Variants in PDLIM4 observed in about 807,000 individuals in gnomAD.
PDLIM4 encodes PDZ and LIM domain 4, also known as PDZ and LIM domain protein 4.
A neutral mutation model predicts 31.3 loss-of-function variants in PDLIM4; 19 were observed. That is an observed-to-expected ratio of 0.61 (90% CI 0.42 to 0.89). PDLIM4 has a LOEUF of 0.89. PDLIM4 is among the 40% of genes least tolerant of loss of function. The pLI, the probability that PDLIM4 is intolerant of heterozygous loss-of-function variation, is 0.00. For synonymous variants in PDLIM4, 176 were observed against 190.1 expected, an observed-to-expected ratio of 0.93 and a Z score of 0.61; for missense variants, 442 against 461.1, an observed-to-expected ratio of 0.96 and a Z score of 0.38.
At chr5:132,261,902 A>AG (rs1756384018) in intron 1 of PDLIM4, among the ~76,000 whole-genome samples, 1 of 152,182 alleles carries the variant, frequency 6.6e-6, no homozygotes, top group East Asian at 1.9e-4. Context: ...TGAACAGTGT[A>AG]GGGGGAAAAG....
intron 2 of PDLIM4, among the ~76,000 whole-genome samples, chr5:132,265,263 C>G (rs1756465865): frequency 6.6e-6 from 1 of 152,196 alleles, no homozygotes; most frequent in Non-Finnish European, 1.5e-5. Flanking sequence ...GCCCTTCGAC[C>G]TTAGACGTCA....
At position 132,271,013 on chromosome 5, in the gene PDLIM4, CT is replaced by C. The variant is rs1756596188; in HGVS notation, c.429del (p.Pro144GlnfsTer16). 2 of 1,614,030 alleles carry C rather than the reference CT, an allele frequency of 1.2e-6. No individual in the cohort carries two copies. Among genetic ancestry groups the C allele is most frequent in the Non-Finnish European group, 8.5e-7 (1 of 1,180,006 alleles). On this transcript the variant is annotated frameshift_variant, in exon 4 of 7. Coordinates refer to ENST00000253754, the MANE Select transcript of PDLIM4 (RefSeq NM_003687.4). LOFTEE classifies it high-confidence loss of function. ...LGSPYGQPPR[F>X]PVPHNGSSEA... The stretch of plus-strand genomic sequence containing the variant: ...GATCTCCATATGGACAACCCCCTCG[CT>C]TTCCAGTCCCTCACAATGGCAGCAG...
chr5:132,271,760 C>G, intron 5 of PDLIM4, 31 bp from the exon 6 acceptor site: 1 of 1,436,762 alleles, frequency 7.0e-7, no homozygotes, highest in Non-Finnish European at 9.8e-7. Flanking sequence ...CCTCCTCACC[C>G]CGTTCATGCC....
chr5:132,270,013 G>C (rs57744805), intron 3 of PDLIM4, among the ~76,000 whole-genome samples: 10,908 of 152,262 alleles, frequency 0.072, 495 homozygotes, highest in South Asian at 0.13. Flanking sequence ...ATAATTGTGA[G>C]AGTGTGCATG....
In PDLIM4 at chr5:132,260,371, C is replaced by T. The variant is rs147522055; in HGVS notation, c.94-2238C>T. On this transcript the variant is annotated intron_variant, in intron 1 of 6. Transcript: ENST00000253754. Reference sequence around the variant, plus strand: ...AATTCCACTCTGTCCTGTGACTTCCCGCTTAGAGCCCTCCATGGTTCCCAG... The same window carrying T: ...AATTCCACTCTGTCCTGTGACTTCCTGCTTAGAGCCCTCCATGGTTCCCAG... Among the ~76,000 whole-genome samples, 78 of 152,290 alleles carry T rather than the reference C, an allele frequency of 5.1e-4. 1 individual carries two copies. The highest frequency in any genetic ancestry group is 1.8e-3 in the African/African-American group (75 of 41,560).
rs752515882 is a variant in PDLIM4, at chr5:132,272,272, C to T, written c.*43C>T. 31 of 1,505,904 alleles carry T rather than the reference C, an allele frequency of 2.1e-5. No individual in the cohort carries two copies. The highest frequency in any genetic ancestry group is 5.1e-5 in the Admixed American group (3 of 58,900). 93.3% of individuals were successfully genotyped at this position (1,505,904 alleles called of 1,614,324 possible). A position where few individuals can be genotyped will look rare whatever the true frequency, so the allele number is the denominator to read the frequency against. On this transcript the variant is annotated 3_prime_UTR_variant, in exon 7 of 7. Transcript: ENST00000253754. ...ACGCCTGCTTCTTAAGGTCCCTGCT[C>T]GGCCGGTGTAAATATGTTTCACCCT...
intron 2 of PDLIM4, 31 bp downstream of exon 2, chr5:132,262,791 G>C: frequency 1.3e-6 from 2 of 1,589,840 alleles, no homozygotes; most frequent in Non-Finnish European, 1.7e-6. Context: ...CTGGGAGGAT[G>C]GAAGGACGAG....
chr5:132,258,511 C>T (rs1756295601), intron 1 of PDLIM4, among the ~76,000 whole-genome samples: 1 of 152,206 alleles, frequency 6.6e-6, no homozygotes, highest in South Asian at 2.1e-4. Flanking sequence ...CCTGCCTTGC[C>T]CACAGAGAAG....
Position 132,266,444 on chromosome 5 carries a change from C to T in PDLIM4, c.246-20C>T, listed in dbSNP as rs1756494219. 3 of 1,553,838 alleles carry T rather than the reference C, an allele frequency of 1.9e-6. No individual in the cohort carries two copies. Among genetic ancestry groups the T allele is most frequent in the African/African-American group, 2.7e-5 (2 of 73,770 alleles). On this transcript the variant is annotated intron_variant, in intron 2 of 6. Transcript: ENST00000253754. ...GGGCGTGGTAGGAGACATATCTGACCATCACAATTTCTGCCACAGGCCTGA... is the reference window on the plus strand; with the variant it reads ...GGGCGTGGTAGGAGACATATCTGACTATCACAATTTCTGCCACAGGCCTGA...
At chr5:132,268,181 C>CA (rs1283303680) in intron 3 of PDLIM4, among the ~76,000 whole-genome samples, 1 of 152,234 alleles carries the variant, frequency 6.6e-6, no homozygotes, top group Non-Finnish European at 1.5e-5. Flanking sequence ...AGGGAGTTTC[C>CA]ACAAGCACCA....
chr5:132,263,247 G>A (rs1235735258), intron 2 of PDLIM4, among the ~76,000 whole-genome samples: 1 of 152,180 alleles, frequency 6.6e-6, no homozygotes, highest in Non-Finnish European at 1.5e-5. Context: ...AGGGAGTGGG[G>A]TAGCAAAATT....
At position 132,273,190 on chromosome 5, in the gene PDLIM4, T is replaced by C. The variant is rs544011424; in HGVS notation, c.*961T>C. 1.3e-5 allele frequency: 2 copies of C among 152,380 alleles called. No individual in the cohort carries two copies. The highest frequency in any genetic ancestry group is 1.3e-4 in the Admixed American group (2 of 15,288). The allele number at this position is 152,380 out of a possible 1,614,324, so 9.4% of individuals were successfully genotyped here. ...CCGAGGATGTGTCCTAGACTCCGGG[T>C]CGCGTGGATCTACCCTCTAGTTTAC... On this transcript the variant is annotated 3_prime_UTR_variant, in exon 7 of 7. Transcript: ENST00000253754.
At position 132,272,308 on chromosome 5, in the gene PDLIM4, T is replaced by C. The variant is rs1265231478; in HGVS notation, c.*79T>C. ...AATATGTTTCACCCTGTCCCTCTAA[T>C]AAAGCTCCTCTGCTCCACCTTGAAC... is the stretch of plus-strand genomic sequence containing the variant. On this transcript the variant is annotated 3_prime_UTR_variant, in exon 7 of 7. Coordinates refer to ENST00000253754, the MANE Select transcript of PDLIM4 (RefSeq NM_003687.4). 8.3e-7 allele frequency: 1 copy of C among 1,209,034 alleles called. No homozygotes were observed. Among genetic ancestry groups the C allele is most frequent in the African/African-American group, 1.5e-5 (1 of 66,888 alleles). The allele number at this position is 1,209,034 out of a possible 1,614,324, so 74.9% of individuals were successfully genotyped here. A position where few individuals can be genotyped will look rare whatever the true frequency, so the allele number is the denominator to read the frequency against.
In PDLIM4 at chr5:132,273,018, C is replaced by T. The variant is rs556939370; in HGVS notation, c.*789C>T. The T allele has an allele frequency of 1.3e-5, 2 of 152,522 alleles. No individual in the cohort carries two copies. The highest frequency in any genetic ancestry group is 2.4e-5 in the African/African-American group (1 of 41,572). 9.4% of individuals were successfully genotyped at this position (152,522 alleles called of 1,614,324 possible). A position where few individuals can be genotyped will look rare whatever the true frequency, so the allele number is the denominator to read the frequency against. On this transcript the variant is annotated 3_prime_UTR_variant, in exon 7 of 7. Transcript: ENST00000253754. ...AGCTTTGCCCTCCAAGAGGCTCCCT[C>T]CTGTCTCTAAGTCAATTCCACCCCT...
chr5:132,261,884 T>C (rs969486244), intron 1 of PDLIM4, among the ~76,000 whole-genome samples: 2 of 152,102 alleles, frequency 1.3e-5, no homozygotes, highest in African/African-American at 4.8e-5. Context: ...TATAATGAAG[T>C]ATTAACATGA....
chr5:132,269,388 G>C (rs1756557044), intron 3 of PDLIM4, among the ~76,000 whole-genome samples: 1 of 151,418 alleles, frequency 6.6e-6, no homozygotes, highest in Non-Finnish European at 1.5e-5. Flanking sequence ...CCCCATTAGA[G>C]GTCAGCCCTG....
rs773730563 is a variant in PDLIM4 at position 132,273,082 on chromosome 5, C to T, written c.*853C>T. The T allele has an allele frequency of 6.6e-6, 1 of 152,334 alleles. No homozygotes were observed. The highest frequency in any genetic ancestry group is 1.5e-5 in the Non-Finnish European group (1 of 68,042). 9.4% of individuals were successfully genotyped at this position (152,334 alleles called of 1,614,324 possible). ...GCTTCCACCCCTCTCCTCAGAGTCC[C>T]GGCGTTTACCTCGTGGTGTGTTTGC... On this transcript the variant is annotated 3_prime_UTR_variant, in exon 7 of 7. Coordinates refer to ENST00000253754, the MANE Select transcript of PDLIM4 (RefSeq NM_003687.4).
At position 132,272,317 on chromosome 5, in the gene PDLIM4, T is replaced by A; in HGVS notation, c.*88T>A. The A allele has an allele frequency of 9.0e-7, 1 of 1,114,878 alleles. No homozygotes were observed. Among genetic ancestry groups the A allele is most frequent in the Middle Eastern group, 1.9e-4 (1 of 5,138 alleles). The allele number at this position is 1,114,878 out of a possible 1,614,324, so 69.1% of individuals were successfully genotyped here. Reference sequence around the variant, plus strand: ...CACCCTGTCCCTCTAATAAAGCTCCTCTGCTCCACCTTGAACCTGTCACCT... The same window carrying A: ...CACCCTGTCCCTCTAATAAAGCTCCACTGCTCCACCTTGAACCTGTCACCT... On this transcript the variant is annotated 3_prime_UTR_variant, in exon 7 of 7. Coordinates refer to ENST00000253754, the MANE Select transcript of PDLIM4 (RefSeq NM_003687.4).
intron 3 of PDLIM4, 156 bp downstream of exon 3, chr5:132,266,701 C>A (rs1264244200): frequency 3.8e-6 from 2 of 520,036 alleles, no homozygotes; most frequent in East Asian, 6.3e-5. Context: ...CACATCCATA[C>A]CCCATCCCAT....
Sources: gnomAD v4.1 joint callset for allele counts (sites outside exome capture counted in the v4.1 genomes callset) on GRCh38, gnomAD v4.1.1 for gene constraint, MANE v1.5 for transcripts, NCBI Gene and HGNC (gene_info 2026-07-23, HGNC 2026-07-21) for gene names.